Variants in DBH observed in about 807,000 individuals in gnomAD.
DBH encodes the protein dopamine beta-hydroxylase (dopamine beta-monooxygenase).
DBH carries 49 observed loss-of-function variants against 64.0 expected under a neutral mutation model. That is an observed-to-expected ratio of 0.77 (90% CI 0.61 to 0.97). DBH has a LOEUF of 0.97. DBH is among the 50% of genes least tolerant of loss of function. The pLI is 0.00. For missense variants in DBH, 828 were observed against 826.6 expected (o/e 1.00, Z -0.02); for synonymous variants, 343 against 347.1 (o/e 0.99, Z 0.13).
At chr9:133,637,874 C>T (rs1832071186) in intron 1 of DBH, among the ~76,000 whole-genome samples, 1 of 152,190 alleles carries the variant, frequency 6.6e-6, no homozygotes, top group Non-Finnish European at 1.5e-5. Context: ...TAGGGCTGCA[C>T]AGATTCCTGT....
chr9:133,658,828 A>G lies in DBH; in HGVS notation c.*381A>G, dbSNP rs1048152485. Reference sequence around the variant, plus strand: ...CCATGCTGGGCCGGGGTGTGGAATCACCGGGAACGCCCCCGCCCCCGCCCC... The same window carrying G: ...CCATGCTGGGCCGGGGTGTGGAATCGCCGGGAACGCCCCCGCCCCCGCCCC... On this transcript the variant is annotated 3_prime_UTR_variant, in exon 12 of 12. Coordinates refer to ENST00000393056, the MANE Select transcript of DBH (RefSeq NM_000787.4). The G allele has an allele frequency of 6.2e-6, 1 of 161,784 alleles. No homozygotes were observed. The highest frequency in any genetic ancestry group is 1.3e-5 in the Non-Finnish European group (1 of 74,656). 10.0% of individuals were successfully genotyped at this position (161,784 alleles called of 1,614,324 possible).
chr9:133,656,764 A>C, intron 10 of DBH, 114 bp downstream of exon 10: 1 of 1,353,640 alleles, frequency 7.4e-7, no homozygotes, highest in Non-Finnish European at 1.0e-6. Context: ...AGGAGCAGAG[A>C]CCTGTGGCGG....
At chr9:133,647,799 A>G in intron 5 of DBH, 47 bp from the exon 6 acceptor site, 1 of 1,608,602 alleles carries the variant, frequency 6.2e-7, no homozygotes, top group Non-Finnish European at 8.5e-7. Flanking sequence ...GGGAAGTGAG[A>G]GGGCCTCCAC....
At chr9:133,647,303 C>T (rs569953969) in intron 5 of DBH, among the ~76,000 whole-genome samples, 17 of 152,330 alleles carry the variant, frequency 1.1e-4, no homozygotes, top group African/African-American at 3.6e-4. Flanking sequence ...CCAGCTTTGA[C>T]GCAGGGCCAG....
chr9:133,644,188 C>T lies in DBH; in HGVS notation c.922-30C>T, dbSNP rs762649573. 5.8e-6 allele frequency: 9 copies of T among 1,558,004 alleles called. No individual in the cohort carries two copies. The African/African-American group carries it at 1.2e-4, about 21-fold the overall frequency. ...AGACCTGGGGCCCTCTCAGGACACA[C>T]CCGTCTGTCTGACACCTTGCCCCAC... On this transcript the variant is annotated intron_variant, in intron 4 of 11. Transcript: ENST00000393056.
intron 6 of DBH, among the ~76,000 whole-genome samples, chr9:133,649,929 C>T (rs971331951): frequency 6.6e-6 from 1 of 152,244 alleles, no homozygotes; most frequent in African/African-American, 2.4e-5. Flanking sequence ...AATGTTCAGT[C>T]TTGTCTCTCC....
Position 133,644,203 on chromosome 9 carries a change from C to T in DBH, c.922-15C>T, listed in dbSNP as rs750869143. 18 of 1,603,068 alleles carry T rather than the reference C, an allele frequency of 1.1e-5. No homozygotes were observed. The highest frequency in any genetic ancestry group is 2.2e-5 in the South Asian group (2 of 90,896). On this transcript the variant is annotated splice_polypyrimidine_tract_variant and intron_variant, in intron 4 of 11. Transcript: ENST00000393056. ...TCAGGACACACCCGTCTGTCTGACA[C>T]CTTGCCCCACACAGGCATTTTACTA...
At chr9:133,647,193 G>A (rs1340460214) in intron 5 of DBH, among the ~76,000 whole-genome samples, 1 of 152,184 alleles carries the variant, frequency 6.6e-6, no homozygotes, top group Non-Finnish European at 1.5e-5. Flanking sequence ...CCTTGGGTCT[G>A]CAGGACATAA....
At chr9:133,655,156 T>C (rs1165962898) in intron 9 of DBH, 1 of 152,306 alleles carries the variant, frequency 6.6e-6, no homozygotes, top group African/African-American at 2.4e-5. Flanking sequence ...CCCTGGCCCA[T>C]GTCGTCCTCT....
chr9:133,649,095 A>T (rs1832215879), intron 6 of DBH, among the ~76,000 whole-genome samples: 1 of 152,156 alleles, frequency 6.6e-6, no homozygotes, highest in Non-Finnish European at 1.5e-5. Context: ...GGAGGAAGAC[A>T]TGTCAGTGTT....
Position 133,654,516 on chromosome 9 carries a change from C to T in DBH, c.1434+1517C>T, listed in dbSNP as rs551454611. ...GCCTCACAGCTGTTACCCCACCCTTCCTGTCTCCCTTGGATTTCAGGTGAC... is the reference window on the plus strand; with the variant it reads ...GCCTCACAGCTGTTACCCCACCCTTTCTGTCTCCCTTGGATTTCAGGTGAC... On this transcript the variant is annotated intron_variant, in intron 9 of 11. Coordinates refer to ENST00000393056, the MANE Select transcript of DBH (RefSeq NM_000787.4). 8 of 152,388 alleles carry T rather than the reference C, an allele frequency of 5.2e-5. No homozygotes were observed. In the East Asian group the frequency reaches 1.5e-3, roughly 29 times the overall value. The allele number at this position is 152,388 out of a possible 1,614,324, so 9.4% of individuals were successfully genotyped here.
chr9:133,650,036 A>G (rs1248706548), intron 6 of DBH, among the ~76,000 whole-genome samples: 1 of 152,184 alleles, frequency 6.6e-6, no homozygotes, highest in African/African-American at 2.4e-5. Context: ...GCTGCTTTGG[A>G]CCAGAGTGCC....
At chr9:133,655,413 C>T (rs143000187) in intron 9 of DBH, 5 of 152,202 alleles carry the variant, frequency 3.3e-5, no homozygotes, top group Non-Finnish European at 7.3e-5. Flanking sequence ...GGAGGGCAAT[C>T]GTCCCGATCT....
At chr9:133,640,134 G>T in intron 2 of DBH, 142 bp downstream of exon 2, 3 of 1,158,468 alleles carry the variant, frequency 2.6e-6, no homozygotes, top group Non-Finnish European at 3.7e-6. Flanking sequence ...GAAAGCCAAG[G>T]AGGATGGCCA....
chr9:133,647,492 TTTCCGTCTA>T (rs1832195465), intron 5 of DBH, among the ~76,000 whole-genome samples: 2 of 152,154 alleles, frequency 1.3e-5, no homozygotes, highest in South Asian at 4.1e-4. Context: ...TGTTTACGAG[TTTCCGTCTA>T]TCAGCAGCAT....
rs190038836 is a variant in DBH at position 133,644,087 on chromosome 9, C to A, written c.922-131C>A. 3.9e-6 allele frequency: 3 copies of A among 759,954 alleles called. No homozygotes were observed. In the Admixed American group the frequency reaches 5.4e-5, roughly 14 times the overall value. The allele number at this position is 759,954 out of a possible 1,614,324, so 47.1% of individuals were successfully genotyped here. On this transcript the variant is annotated intron_variant, in intron 4 of 11. Transcript: ENST00000393056. ...TGAGCTGCCTGTCAGGAGGAAGCAT[C>A]GCTCTAATCCTGCTGCGCCCCCTCC...
chr9:133,652,341 A>C, intron 8 of DBH, 57 bp downstream of exon 8: 2 of 1,595,388 alleles, frequency 1.3e-6, no homozygotes, highest in Non-Finnish European at 8.6e-7. Flanking sequence ...GGTGGCTGAG[A>C]GGGCTGGGGG....
intron 9 of DBH, 60 bp from the exon 10 acceptor site, chr9:133,656,463 G>C: frequency 6.2e-7 from 1 of 1,611,724 alleles, no homozygotes; most frequent in East Asian, 2.2e-5. Flanking sequence ...GGCGAAAGCT[G>C]CTGGATGGCA....
intron 3 of DBH, 85 bp downstream of exon 3, chr9:133,642,549 C>T: frequency 6.7e-7 from 1 of 1,502,408 alleles, no homozygotes; most frequent in Non-Finnish European, 9.0e-7. Context: ...GAGAGCTGTC[C>T]ACAGTCCTGG....
Sources: allele counts gnomAD v4.1 joint callset (sites outside exome capture counted in the v4.1 genomes callset), GRCh38; gene constraint gnomAD v4.1.1; transcripts MANE v1.5; gene names NCBI Gene and HGNC (gene_info 2026-07-23, HGNC 2026-07-21).